DAD1: variants seen among roughly 807,000 people sequenced by gnomAD.
DAD1 encodes defender against cell death 1.
DAD1 carries 4 observed loss-of-function variants against 9.0 expected under a neutral mutation model. That is an observed-to-expected ratio of 0.44 (90% confidence interval 0.22 to 1.01). The LOEUF (loss-of-function observed/expected upper bound fraction) is 1.01, where lower values mean the gene tolerates loss of function less well. Among genes scored for constraint, DAD1 ranks in the 50% least tolerant of loss-of-function variants. DAD1 has a pLI of 0.24. For missense variants in DAD1, 119 were observed against 137.3 expected (o/e 0.87, Z 0.67); for synonymous variants, 60 against 62.5 (o/e 0.96, Z 0.19).
chr14:22,579,840 C>CTTTT (rs34081969), intron 1 of DAD1, among the ~76,000 whole-genome samples: 5,100 of 129,108 alleles, frequency 0.04, 415 homozygotes, highest in African/African-American at 0.12. Flanking sequence ...AAAGCCAATC[C>CTTTT]TTTTTTTTTT....
intron 1 of DAD1, among the ~76,000 whole-genome samples, chr14:22,581,647 G>A (rs566604062): frequency 6.7e-6 from 1 of 148,824 alleles, no homozygotes; most frequent in South Asian, 2.1e-4. Flanking sequence ...GGAGGCTGAG[G>A]CAGAAGAACC....
rs1259115025 is a variant in DAD1, at chr14:22,582,417, G to A, written c.211+6530C>T. On this transcript the variant is annotated intron_variant, in intron 1 of 2. Transcript: ENST00000250498. ...CGGGTGCCTGTAGTCCCAGCTACTC[G>A]GGAGGCTGAGGCAGGAGAATGGCGT... Among the ~76,000 whole-genome samples, 6 of 150,332 alleles carry A rather than the reference G, an allele frequency of 4.0e-5. No homozygotes were observed. In the East Asian group the frequency reaches 5.9e-4, roughly 15 times the overall value.
intron 2 of DAD1, among the ~76,000 whole-genome samples, chr14:22,569,487 G>C (rs1330373400): frequency 1.3e-5 from 2 of 151,918 alleles, no homozygotes; most frequent in Non-Finnish European, 2.9e-5. Flanking sequence ...AACACACACT[G>C]TTACTGTTCA....
At chr14:22,569,587 A>G (rs1465754527) in intron 2 of DAD1, among the ~76,000 whole-genome samples, 1 of 152,236 alleles carries the variant, frequency 6.6e-6, no homozygotes, top group Non-Finnish European at 1.5e-5. Flanking sequence ...CAGTAGACTA[A>G]GGGCTCCTAT....
intron 2 of DAD1, among the ~76,000 whole-genome samples, chr14:22,574,144 A>C (rs527438944): frequency 6.6e-6 from 1 of 152,308 alleles, no homozygotes; most frequent in South Asian, 2.1e-4. Flanking sequence ...GCTACATGGG[A>C]TACCGGAAGG....
intron 1 of DAD1, among the ~76,000 whole-genome samples, chr14:22,578,701 A>G (rs12888903): frequency 0.092 from 14,005 of 152,266 alleles, 1,185 homozygotes; most frequent in African/African-American, 0.22. Context: ...GCAAGGAGGC[A>G]TCTATGGTGC....
intron 2 of DAD1, among the ~76,000 whole-genome samples, chr14:22,565,985 G>A (rs1206553387): frequency 1.3e-5 from 2 of 152,222 alleles, no homozygotes; most frequent in Non-Finnish European, 2.9e-5. Flanking sequence ...CCTTTCAGAA[G>A]AACCGGGCTG....
intron 1 of DAD1, among the ~76,000 whole-genome samples, chr14:22,576,539 A>T (rs1470209937): frequency 6.6e-6 from 1 of 152,234 alleles, no homozygotes; most frequent in African/African-American, 2.4e-5. Flanking sequence ...ACAGAGCAAA[A>T]GTTTTATGGC....
intron 1 of DAD1, among the ~76,000 whole-genome samples, chr14:22,583,376 A>C (rs996791870): frequency 4.0e-5 from 6 of 151,684 alleles, no homozygotes; most frequent in Admixed American, 3.3e-4. Context: ...TATTCAAGAA[A>C]AAACTTTCCT....
rs1316732498 is a variant in DAD1, at chr14:22,565,113, T to C, written c.*69A>G. 4 of 702,264 alleles carry C rather than the reference T, an allele frequency of 5.7e-6. No individual in the cohort carries two copies. Among genetic ancestry groups the C allele is most frequent in the Non-Finnish European group, 7.8e-6 (3 of 384,776 alleles). 43.5% of individuals were successfully genotyped at this position (702,264 alleles called of 1,614,324 possible). A position where few individuals can be genotyped will look rare whatever the true frequency, so the allele number is the denominator to read the frequency against. Reference sequence around the variant, plus strand: ...AATAAGCTGCCATCTCCAGAACTCTTATCCAGGAAATTCAAAGAGTGAACC... The same window carrying C: ...AATAAGCTGCCATCTCCAGAACTCTCATCCAGGAAATTCAAAGAGTGAACC... On this transcript the variant is annotated 3_prime_UTR_variant, in exon 3 of 3. Transcript: ENST00000250498.
intron 2 of DAD1, among the ~76,000 whole-genome samples, chr14:22,573,688 T>C (rs144829416): frequency 0.013 from 1,534 of 113,726 alleles, 30 homozygotes; most frequent in African/African-American, 0.05. Flanking sequence ...CCAGCCTGGG[T>C]AACAGAGCGA....
intron 2 of DAD1, among the ~76,000 whole-genome samples, chr14:22,565,436 C>A (rs552684829): frequency 3.4e-5 from 5 of 149,236 alleles, no homozygotes; most frequent in African/African-American, 5.2e-5. Flanking sequence ...CGCAAGACTT[C>A]ACATAAGTCA....
intron 1 of DAD1, among the ~76,000 whole-genome samples, chr14:22,586,053 A>C (rs1195519706): frequency 6.6e-6 from 1 of 152,150 alleles, no homozygotes; most frequent in East Asian, 1.9e-4. Context: ...AAAAATACAA[A>C]AACTTAGCTG....
rs571372637 is a variant in DAD1, at chr14:22,588,190, C to T, written c.211+757G>A. On this transcript the variant is annotated intron_variant, in intron 1 of 2. Transcript: ENST00000250498. ...GACTGATGATCACACTGAAAAGAAA[C>T]CATGAATGCTGGCATGTTTTCAAAG... Among the ~76,000 whole-genome samples the T allele has an allele frequency of 2.3e-3, 357 of 152,254 alleles. 1 individual carries two copies. Among genetic ancestry groups the T allele is most frequent in the African/African-American group, 8.2e-3 (342 of 41,534 alleles).
chr14:22,584,748 C>T (rs902622237), intron 1 of DAD1, among the ~76,000 whole-genome samples: 2 of 152,102 alleles, frequency 1.3e-5, no homozygotes, highest in Non-Finnish European at 2.9e-5. Context: ...AGCGAGGAAG[C>T]CAGATCATGA....
intron 1 of DAD1, among the ~76,000 whole-genome samples, chr14:22,585,418 G>A (rs966093449): frequency 3.3e-5 from 5 of 152,096 alleles, no homozygotes; most frequent in African/African-American, 9.7e-5. Context: ...TGCCAACACT[G>A]GAATATAACT....
chr14:22,585,939 G>T (rs760221878), intron 1 of DAD1, among the ~76,000 whole-genome samples: 15 of 152,190 alleles, frequency 9.9e-5, no homozygotes, highest in Non-Finnish European at 2.2e-4. Flanking sequence ...GGGTGTGGTG[G>T]CTCACGCCTG....
chr14:22,579,424 AAC>A (rs2037100101), intron 1 of DAD1, among the ~76,000 whole-genome samples: 1 of 152,236 alleles, frequency 6.6e-6, no homozygotes, highest in Non-Finnish European at 1.5e-5. Flanking sequence ...TCACCATGGC[AAC>A]AGTTTTCATT....
intron 1 of DAD1, among the ~76,000 whole-genome samples, chr14:22,583,356 G>A (rs1594884463): frequency 1.3e-5 from 2 of 150,840 alleles, no homozygotes; most frequent in South Asian, 2.1e-4. Flanking sequence ...GAACAAGCAG[G>A]AGAGTGTTGT....
Sources: gnomAD v4.1 joint callset for allele counts (sites outside exome capture counted in the v4.1 genomes callset) on GRCh38, gnomAD v4.1.1 for gene constraint, MANE v1.5 for transcripts, NCBI Gene and HGNC (gene_info 2026-07-23, HGNC 2026-07-21) for gene names.